The following SLC22A9 variants were observed in gnomAD, a reference collection of about 807,000 sequenced individuals.
SLC22A9 encodes solute carrier family 22 member 9, also known as organic anion transporter 7.
A neutral mutation model predicts 50.1 loss-of-function variants in SLC22A9; 64 were observed. The ratio of observed to expected loss-of-function variants is 1.28; its 90% CI spans 1.04 to 1.57. The LOEUF (loss-of-function observed/expected upper bound fraction) is 1.57. Ranked by LOEUF, SLC22A9 falls within the 40% of genes most tolerant of loss-of-function variation. The probability of loss-of-function intolerance (pLI) is 0.00; values close to 1 mark genes in which losing one functional copy is unlikely to be tolerated. For missense variants in SLC22A9, 757 were observed against 676.1 expected, an observed-to-expected ratio of 1.12 and a Z score of -1.33; for synonymous variants, 261 against 242.5, an observed-to-expected ratio of 1.08 and a Z score of -0.71.
intron 6 of SLC22A9, among the ~76,000 whole-genome samples, chr11:63,395,297 G>A (rs2014834094): frequency 6.6e-6 from 1 of 151,994 alleles, no homozygotes; most frequent in Non-Finnish European, 1.5e-5. Flanking sequence ...GTAATGTTGG[G>A]GGGTTGTTTA....
intron 5 of SLC22A9, among the ~76,000 whole-genome samples, chr11:63,381,680 C>T (rs978468458): frequency 2.6e-5 from 4 of 152,140 alleles, no homozygotes; most frequent in Non-Finnish European, 5.9e-5. Flanking sequence ...CCCCAACCTT[C>T]AGTATTTCTG....
At chr11:63,406,383 G>A in intron 6 of SLC22A9, 114 bp from the exon 7 acceptor site, 1 of 842,148 alleles carries the variant, frequency 1.2e-6, no homozygotes, top group South Asian at 1.8e-5. Flanking sequence ...CCATGAAATA[G>A]ACCCAGCCTT....
At chr11:63,395,384 G>A (rs2014835478) in intron 6 of SLC22A9, among the ~76,000 whole-genome samples, 1 of 152,156 alleles carries the variant, frequency 6.6e-6, no homozygotes, top group South Asian at 2.1e-4. Flanking sequence ...GCTAAAGGCT[G>A]TTGTTCAGGT....
chr11:63,386,260 G>A (rs2014664104), intron 6 of SLC22A9, among the ~76,000 whole-genome samples: 1 of 151,842 alleles, frequency 6.6e-6, no homozygotes, highest in East Asian at 1.9e-4. Context: ...TTCTTTTATT[G>A]TTGTATTCCT....
intron 1 of SLC22A9, 109 bp downstream of exon 1, chr11:63,370,567 T>C: frequency 7.8e-7 from 1 of 1,274,894 alleles, no homozygotes; most frequent in Non-Finnish European, 1.1e-6. Flanking sequence ...TTAGTCTTCA[T>C]TCTTTCAGCA....
At chr11:63,396,630 T>C (rs1220685401) in intron 6 of SLC22A9, among the ~76,000 whole-genome samples, 6 of 152,182 alleles carry the variant, frequency 3.9e-5, no homozygotes, top group African/African-American at 1.4e-4. Flanking sequence ...CTGCAGTCAT[T>C]CTGGAGCTAA....
intron 5 of SLC22A9, among the ~76,000 whole-genome samples, chr11:63,376,068 C>T (rs991350140): frequency 1.3e-5 from 2 of 152,032 alleles, no homozygotes; most frequent in Non-Finnish European, 2.9e-5. Flanking sequence ...ATAGGAGTAA[C>T]CAAAACTAGT....
intron 5 of SLC22A9, among the ~76,000 whole-genome samples, chr11:63,377,108 C>G (rs563373628): frequency 6.6e-6 from 1 of 152,162 alleles, no homozygotes; most frequent in South Asian, 2.1e-4. Flanking sequence ...TTGGAGAATT[C>G]AACACCCCAC....
intron 6 of SLC22A9, among the ~76,000 whole-genome samples, chr11:63,403,834 AATC>A (rs1479838916): frequency 1.3e-5 from 2 of 152,032 alleles, no homozygotes; most frequent in African/African-American, 2.4e-5. Flanking sequence ...TCAATCAATC[AATC>A]AATAAATAAA....
At chr11:63,371,351 T>C (rs2014357358) in intron 2 of SLC22A9, 113 bp downstream of exon 2, 1 of 841,452 alleles carries the variant, frequency 1.2e-6, no homozygotes, top group African/African-American at 1.7e-5. Context: ...GCTGCCCTGA[T>C]CCCCAAACAG....
intron 5 of SLC22A9, among the ~76,000 whole-genome samples, chr11:63,376,824 C>A (rs1405455580): frequency 6.6e-6 from 1 of 150,742 alleles, no homozygotes; most frequent in Non-Finnish European, 1.5e-5. Context: ...TGCAGTGACA[C>A]CTATAGGCTC....
intron 6 of SLC22A9, among the ~76,000 whole-genome samples, chr11:63,389,681 C>T (rs1310248406): frequency 6.6e-6 from 1 of 152,108 alleles, no homozygotes; most frequent in Non-Finnish European, 1.5e-5. Flanking sequence ...ATTTATAATC[C>T]TTTGGGTACA....
intron 6 of SLC22A9, among the ~76,000 whole-genome samples, chr11:63,382,791 T>C (rs1216460938): frequency 6.6e-6 from 1 of 152,140 alleles, no homozygotes; most frequent in Admixed American, 6.6e-5. Context: ...TGGATCCAAA[T>C]ACCTCTATGA....
intron 6 of SLC22A9, among the ~76,000 whole-genome samples, chr11:63,398,796 C>T (rs771005850): frequency 5.3e-5 from 8 of 152,168 alleles, no homozygotes; most frequent in Non-Finnish European, 1.0e-4. Flanking sequence ...TGTGATCTCC[C>T]ACTTTATTTT....
In SLC22A9 at chr11:63,371,221, C is replaced by A; in HGVS notation, c.489C>A (p.Gly163=). ...GAATGATGGTGGGAGGCATCCTAGG[C>A]GGTCATTTATCAGACAGGTGAGTGT... ...MAGMMVGGIL[G]GHLSDRFGRR... The change falls in exon 2 of 10, where the codon GGC becomes GGA. Residue 163 remains glycine (G), a synonymous_variant. Coordinates refer to ENST00000279178, the MANE Select transcript of SLC22A9 (RefSeq NM_080866.3). 2 of 1,612,584 alleles carry A rather than the reference C, an allele frequency of 1.2e-6. No individual in the cohort carries two copies. The highest frequency in any genetic ancestry group is 1.7e-6 in the Non-Finnish European group (2 of 1,179,028).
intron 6 of SLC22A9, among the ~76,000 whole-genome samples, chr11:63,395,864 G>A (rs75818764): frequency 0.016 from 2,508 of 152,186 alleles, 71 homozygotes; most frequent in African/African-American, 0.057. Flanking sequence ...GACTCTCCTT[G>A]GGTGGGTCTT....
intron 1 of SLC22A9, 89 bp downstream of exon 1, chr11:63,370,547 A>T (rs912469404): frequency 2.8e-6 from 4 of 1,418,542 alleles, no homozygotes; most frequent in East Asian, 4.7e-5. Flanking sequence ...CTTCAGTCAC[A>T]TGTAGGTCCT....
At chr11:63,375,898 A>G in intron 5 of SLC22A9, 130 bp downstream of exon 5, 1 of 1,175,380 alleles carries the variant, frequency 8.5e-7, no homozygotes, top group Non-Finnish European at 1.2e-6. Context: ...GTATCACCTC[A>G]CTATCATTTT....
chr11:63,392,352 T>C (rs1259032510), intron 6 of SLC22A9, among the ~76,000 whole-genome samples: 2 of 152,112 alleles, frequency 1.3e-5, no homozygotes, highest in African/African-American at 4.8e-5. Context: ...TCAATGTCAT[T>C]GTCTTTCAGA....
Sources: gnomAD v4.1 joint callset for allele counts (sites outside exome capture counted in the v4.1 genomes callset) on GRCh38, gnomAD v4.1.1 for gene constraint, MANE v1.5 for transcripts, NCBI Gene and HGNC (gene_info 2026-07-23, HGNC 2026-07-21) for gene names.